TMEM38B: variants seen among roughly 807,000 people sequenced by gnomAD.
TMEM38B encodes transmembrane protein 38B.
A neutral mutation model predicts 28.7 loss-of-function variants in TMEM38B; 24 were observed. The observed-to-expected ratio is 0.84, with a 90% CI of 0.61 to 1.18. TMEM38B has a LOEUF of 1.18. Ranked by LOEUF, TMEM38B falls within the 50% of genes most tolerant of loss-of-function variation. TMEM38B has a pLI of 0.00. For synonymous variants in TMEM38B, 131 were observed against 127.7 expected (o/e 1.03, Z -0.17); for missense variants, 380 against 350.9 (o/e 1.08, Z -0.66).
intron 4 of TMEM38B, among the ~76,000 whole-genome samples, chr9:105,744,027 C>T (rs1243579941): frequency 6.6e-6 from 1 of 152,028 alleles, no homozygotes; most frequent in Non-Finnish European, 1.5e-5. Context: ...CTTTGTATAA[C>T]TCAGCATTTT....
At chr9:105,695,705 T>C (rs1380489195) in intron 1 of TMEM38B, among the ~76,000 whole-genome samples, 1 of 152,186 alleles carries the variant, frequency 6.6e-6, no homozygotes, top group Non-Finnish European at 1.5e-5. Context: ...CTACGGATAG[T>C]TGATGAGTGA....
intron 2 of TMEM38B, among the ~76,000 whole-genome samples, chr9:105,713,237 C>T (rs1053782622): frequency 4.6e-5 from 7 of 152,150 alleles, no homozygotes; most frequent in Non-Finnish European, 7.4e-5. Flanking sequence ...TGCCGCTCCA[C>T]GGAGCAGGCA....
intron 5 of TMEM38B, among the ~76,000 whole-genome samples, chr9:105,764,340 C>G (rs551028575): frequency 1.3e-3 from 200 of 152,234 alleles, no homozygotes; most frequent in African/African-American, 4.6e-3. Context: ...ACCCCATTGT[C>G]TCAGCCCGAA....
At chr9:105,757,443 T>G (rs1168847741) in intron 5 of TMEM38B, among the ~76,000 whole-genome samples, 1 of 152,212 alleles carries the variant, frequency 6.6e-6, no homozygotes, top group East Asian at 1.9e-4. Flanking sequence ...GATTACTGGA[T>G]CAAATGGTAG....
chr9:105,717,847 T>C (rs1484309486), intron 2 of TMEM38B, among the ~76,000 whole-genome samples: 2 of 152,188 alleles, frequency 1.3e-5, no homozygotes, highest in Non-Finnish European at 2.9e-5. Context: ...ACAACAATAA[T>C]AGCAATTACA....
At position 105,721,557 on chromosome 9, in the gene TMEM38B, C is replaced by G; in HGVS notation, c.290C>G (p.Pro97Arg). The change falls in exon 3 of 6, where the codon CCG becomes CGG. Residue 97 changes from proline to arginine, a missense_variant. Physicochemically the swap from Pro to Arg is moderately radical, Grantham distance 103. Transcript: ENST00000374692. Reference sequence around the variant, plus strand: ...TTCAGGTATATTACATTTTTTTGCCCGCATGACCTAGTTTCCCAGGGCTAT... The same window carrying G: ...TTCAGGTATATTACATTTTTTTGCCGGCATGACCTAGTTTCCCAGGGCTAT... The part of the protein sequence containing the change: ...SSIWYITFFC[P>R]HDLVSQGYSY... 6.3e-7 allele frequency: 1 copy of G among 1,593,790 alleles called. No homozygotes were observed. The highest frequency in any genetic ancestry group is 1.1e-5 in the South Asian group (1 of 87,236).
At chr9:105,735,305 G>C (rs1836931117) in intron 4 of TMEM38B, among the ~76,000 whole-genome samples, 1 of 152,138 alleles carries the variant, frequency 6.6e-6, no homozygotes. Context: ...GTTTATACTA[G>C]AAGATTGAAA....
intron 5 of TMEM38B, among the ~76,000 whole-genome samples, chr9:105,766,233 A>G (rs927989844): frequency 1.3e-5 from 2 of 152,206 alleles, no homozygotes; most frequent in African/African-American, 4.8e-5. Flanking sequence ...CCCACTAGCA[A>G]TGTATGAGAG....
chr9:105,743,783 T>G (rs771797166), intron 4 of TMEM38B, among the ~76,000 whole-genome samples: 5 of 152,174 alleles, frequency 3.3e-5, no homozygotes, highest in African/African-American at 1.2e-4. Flanking sequence ...AAATCCGGGC[T>G]TTCTTTTCCT....
At chr9:105,704,547 T>G (rs1452419020) in intron 1 of TMEM38B, among the ~76,000 whole-genome samples, 1 of 151,716 alleles carries the variant, frequency 6.6e-6, no homozygotes, top group Non-Finnish European at 1.5e-5. Context: ...TTGTTGTTTG[T>G]TGTTTGTTTT....
intron 1 of TMEM38B, among the ~76,000 whole-genome samples, chr9:105,699,352 A>G (rs1292222039): frequency 1.3e-5 from 2 of 152,184 alleles, no homozygotes; most frequent in East Asian, 1.9e-4. Flanking sequence ...ACTCACACCT[A>G]CAGTAAACTG....
intron 2 of TMEM38B, among the ~76,000 whole-genome samples, chr9:105,718,426 A>G (rs1393520208): frequency 1.3e-5 from 2 of 151,968 alleles, no homozygotes; most frequent in South Asian, 2.1e-4. Context: ...TTTAGTAGAG[A>G]TGGGGTTTCT....
At chr9:105,716,092 C>A (rs1345779158) in intron 2 of TMEM38B, among the ~76,000 whole-genome samples, 2 of 152,100 alleles carry the variant, frequency 1.3e-5, no homozygotes, top group Non-Finnish European at 2.9e-5. Flanking sequence ...TTTCTTGGAT[C>A]TCTTACCTTC....
intron 4 of TMEM38B, among the ~76,000 whole-genome samples, chr9:105,736,859 A>G (rs907798241): frequency 1.3e-5 from 2 of 152,212 alleles, no homozygotes; most frequent in African/African-American, 4.8e-5. Context: ...TTCTTTAACT[A>G]TAATCAATGT....
chr9:105,739,909 G>A (rs1001769310), intron 4 of TMEM38B, among the ~76,000 whole-genome samples: 1 of 151,586 alleles, frequency 6.6e-6, no homozygotes, highest in Non-Finnish European at 1.5e-5. Flanking sequence ...TTGAGACAGA[G>A]TCTTGCTCTG....
chr9:105,716,693 A>G (rs1836112460), intron 2 of TMEM38B, among the ~76,000 whole-genome samples: 1 of 118,398 alleles, frequency 8.4e-6, no homozygotes. Flanking sequence ...AGCAAGACCA[A>G]TCCCTCCTCC....
chr9:105,723,409 T>A (rs78520397), intron 4 of TMEM38B, among the ~76,000 whole-genome samples: 2 of 90,572 alleles, frequency 2.2e-5, no homozygotes, highest in African/African-American at 1.6e-4. Flanking sequence ...TGTAATTGTA[T>A]TTTTTTTTTT....
At chr9:105,698,600 A>T (rs1835362219) in intron 1 of TMEM38B, among the ~76,000 whole-genome samples, 2 of 152,094 alleles carry the variant, frequency 1.3e-5, no homozygotes, top group East Asian at 3.8e-4. Flanking sequence ...TTGATACATT[A>T]TTTTAATTCA....
chr9:105,772,110 G>A (rs1826565314), intron 5 of TMEM38B, among the ~76,000 whole-genome samples: 1 of 152,186 alleles, frequency 6.6e-6, no homozygotes, highest in Non-Finnish European at 1.5e-5. Context: ...GTTTCACCTT[G>A]TCTGACCTTG....
Sources: gnomAD v4.1 joint callset for allele counts (sites outside exome capture counted in the v4.1 genomes callset) on GRCh38, gnomAD v4.1.1 for gene constraint, MANE v1.5 for transcripts, NCBI Gene and HGNC (gene_info 2026-07-23, HGNC 2026-07-21) for gene names.